The following MIPOL1 variants were observed in gnomAD, a reference collection of about 807,000 sequenced individuals.
MIPOL1 encodes mirror-image polydactyly 1.
A neutral mutation model predicts 60.9 loss-of-function variants in MIPOL1; 57 were observed. The observed-to-expected ratio is 0.94, with a 90% CI of 0.76 to 1.17. The LOEUF is 1.17. MIPOL1 is among the 50% of genes most tolerant of loss of function. The pLI is 0.00. For synonymous variants in MIPOL1, 179 were observed against 168.8 expected, an observed-to-expected ratio of 1.06 and a Z score of -0.47; for missense variants, 551 against 511.6, an observed-to-expected ratio of 1.08 and a Z score of -0.74.
downstream of MIPOL1, chr14:37,551,342 C>A (rs2095561263): frequency 6.6e-6 from 1 of 151,852 alleles, no homozygotes; most frequent in South Asian, 2.1e-4. Context: ...ACTAGATATG[C>A]ACTATAAAAT....
chr14:37,476,483 A>G (rs962014896), intron 11 of MIPOL1, among the ~76,000 whole-genome samples: 1 of 152,202 alleles, frequency 6.6e-6, no homozygotes, highest in African/African-American at 2.4e-5. Flanking sequence ...GAATAGAAGT[A>G]GTGAGAGGGC....
At chr14:37,376,006 CCTTATT>C (rs1322603250) in intron 10 of MIPOL1, among the ~76,000 whole-genome samples, 4 of 152,002 alleles carry the variant, frequency 2.6e-5, no homozygotes, top group Admixed American at 2.0e-4. Context: ...TTAGTTATTT[CCTTATT>C]CTTATTTTTT....
At chr14:37,510,576 A>T (rs967646930) in intron 12 of MIPOL1, among the ~76,000 whole-genome samples, 11 of 151,816 alleles carry the variant, frequency 7.2e-5, no homozygotes, top group Non-Finnish European at 1.3e-4. Context: ...TACCTACTGC[A>T]CTCTCTTCCA....
rs539442838 is a variant in MIPOL1, at chr14:37,503,833, C to T, written c.1262+3695C>T. On this transcript the variant is annotated intron_variant, in intron 12 of 12. Transcript: ENST00000684589. The stretch of plus-strand genomic sequence containing the variant: ...TGGCAAATTGGATAAAGAGTCAAGA[C>T]CCATCAGTGTGCTGTATTCAGAAGA... The T allele has an allele frequency of 3.9e-5, 6 of 152,226 alleles. No homozygotes were observed. In the South Asian group the frequency reaches 1.2e-3, roughly 32 times the overall value. The allele number at this position is 152,226 out of a possible 1,614,324, so 9.4% of individuals were successfully genotyped here.
chr14:37,359,987 A>C lies in MIPOL1; in HGVS notation c.829-9530A>C, dbSNP rs111239017. 1.7e-3 allele frequency among the ~76,000 whole-genome samples: 253 copies of C among 152,276 alleles called. 1 individual carries two copies. The highest frequency in any genetic ancestry group is 5.8e-3 in the African/African-American group (239 of 41,550). On this transcript the variant is annotated intron_variant, in intron 9 of 12. Coordinates refer to ENST00000684589, the MANE Select transcript of MIPOL1 (RefSeq NM_001388067.1). Reference sequence around the variant, plus strand: ...TAAATAGCTCTTATTATTTTGAGATACGTTCCATCAATGTCTAGTTCATTG... The same window carrying C: ...TAAATAGCTCTTATTATTTTGAGATCCGTTCCATCAATGTCTAGTTCATTG...
chr14:37,458,374 C>T (rs1410627733), intron 11 of MIPOL1, among the ~76,000 whole-genome samples: 1 of 152,146 alleles, frequency 6.6e-6, no homozygotes, highest in African/African-American at 2.4e-5. Context: ...ACATTTTTCT[C>T]ATTTGTACAT....
At chr14:37,409,653 G>A (rs1383846697) in intron 10 of MIPOL1, among the ~76,000 whole-genome samples, 3 of 152,102 alleles carry the variant, frequency 2.0e-5, no homozygotes, top group Non-Finnish European at 2.9e-5. Context: ...GGGTGTGGTG[G>A]CACACGCCTG....
At chr14:37,298,868 A>G (rs2086064400) in intron 7 of MIPOL1, among the ~76,000 whole-genome samples, 1 of 149,736 alleles carries the variant, frequency 6.7e-6, no homozygotes, top group African/African-American at 2.5e-5. Flanking sequence ...AACTAGTTCA[A>G]CCATTGTGGA....
chr14:37,226,626 T>G (rs1969796528), intron 1 of MIPOL1, among the ~76,000 whole-genome samples: 1 of 152,058 alleles, frequency 6.6e-6, no homozygotes, highest in Non-Finnish European at 1.5e-5. Flanking sequence ...AAGATGACTT[T>G]TGGGTGGGGA....
intron 12 of MIPOL1, among the ~76,000 whole-genome samples, chr14:37,510,117 A>G (rs993843580): frequency 5.3e-5 from 8 of 152,002 alleles, no homozygotes; most frequent in Admixed American, 4.6e-4. Context: ...ACATATGTCT[A>G]TATTATATAT....
chr14:37,442,331 ACTT>A (rs1385020490), intron 11 of MIPOL1, among the ~76,000 whole-genome samples: 3 of 151,952 alleles, frequency 2.0e-5, no homozygotes, highest in East Asian at 1.9e-4. Flanking sequence ...AGATGGTTTG[ACTT>A]CTTCTTTTCC....
At chr14:37,404,478 T>A (rs2153533045) in intron 10 of MIPOL1, among the ~76,000 whole-genome samples, 1 of 152,336 alleles carries the variant, frequency 6.6e-6, no homozygotes, top group South Asian at 2.1e-4. Flanking sequence ...TTATTGTTAG[T>A]GCTGGAGAAG....
At chr14:37,217,984 G>T (rs558011126) in intron 1 of MIPOL1, among the ~76,000 whole-genome samples, 2 of 152,136 alleles carry the variant, frequency 1.3e-5, no homozygotes, top group African/African-American at 4.8e-5. Flanking sequence ...AAATTATCTA[G>T]TTCAAAATGT....
chr14:37,201,216 G>A (rs1965287529), intron 1 of MIPOL1, among the ~76,000 whole-genome samples: 1 of 152,010 alleles, frequency 6.6e-6, no homozygotes, highest in Non-Finnish European at 1.5e-5. Context: ...GTATTGTAAA[G>A]CAGCATGTGT....
chr14:37,460,765 C>G (rs1415801101), intron 11 of MIPOL1, among the ~76,000 whole-genome samples: 1 of 152,220 alleles, frequency 6.6e-6, no homozygotes, highest in South Asian at 2.1e-4. Context: ...ACAATAGCCA[C>G]ACAAGAAATA....
At chr14:37,391,081 T>C (rs1277535857) in intron 10 of MIPOL1, among the ~76,000 whole-genome samples, 1 of 151,928 alleles carries the variant, frequency 6.6e-6, no homozygotes, top group Non-Finnish European at 1.5e-5. Flanking sequence ...GAATTCTCAA[T>C]AGAAATAACA....
chr14:37,234,007 GT>G (rs1396169215), intron 1 of MIPOL1, among the ~76,000 whole-genome samples: 1 of 152,168 alleles, frequency 6.6e-6, no homozygotes, highest in Admixed American at 6.5e-5. Context: ...ATAAAACCAT[GT>G]TTATCTCTGT....
chr14:37,493,722 C>T (rs2095078669), intron 11 of MIPOL1, among the ~76,000 whole-genome samples: 1 of 152,176 alleles, frequency 6.6e-6, no homozygotes, highest in East Asian at 1.9e-4. Flanking sequence ...CGAATTTAAA[C>T]TTTGCTTATC....
intron 3 of MIPOL1, among the ~76,000 whole-genome samples, chr14:37,252,189 C>T (rs756939607): frequency 9.9e-5 from 15 of 151,526 alleles, no homozygotes; most frequent in Non-Finnish European, 1.6e-4. Flanking sequence ...ATATTTTACA[C>T]ACAAGTAGTT....
Sources: allele counts gnomAD v4.1 joint callset (sites outside exome capture counted in the v4.1 genomes callset), GRCh38; gene constraint gnomAD v4.1.1; transcripts MANE v1.5; gene names NCBI Gene and HGNC (gene_info 2026-07-23, HGNC 2026-07-21).